NPAS3: variants seen among roughly 807,000 people sequenced by gnomAD.
NPAS3 encodes the protein neuronal PAS domain-containing protein 3.
Under a neutral mutation model 73.1 loss-of-function variants are expected in NPAS3, and 14 were observed. That is an observed-to-expected ratio of 0.19 (90% CI 0.13 to 0.30). NPAS3 has a LOEUF of 0.30. NPAS3 is among the 10% of genes least tolerant of loss of function. NPAS3 has a pLI of 1.00. For synonymous variants in NPAS3, 620 were observed against 541.5 expected, an observed-to-expected ratio of 1.14 and a Z score of -2.01; for missense variants, 1,096 against 1,250.0, an observed-to-expected ratio of 0.88 and a Z score of 1.86.
intron 5 of NPAS3, among the ~76,000 whole-genome samples, chr14:33,669,118 A>T (rs1595398267): frequency 7.3e-6 from 1 of 137,906 alleles, no homozygotes; most frequent in African/African-American, 2.5e-5. Context: ...GGTAATGAAG[A>T]AGCTTTGAAA....
intron 3 of NPAS3, among the ~76,000 whole-genome samples, chr14:33,343,988 T>G (rs1274556425): frequency 6.6e-6 from 1 of 152,210 alleles, no homozygotes; most frequent in Non-Finnish European, 1.5e-5. Context: ...GTGTGAAGGA[T>G]TCCCTGAAAG....
chr14:33,436,765 A>G (rs1393448319), intron 4 of NPAS3, among the ~76,000 whole-genome samples: 1 of 152,208 alleles, frequency 6.6e-6, no homozygotes. Flanking sequence ...TGGTTCGGAT[A>G]CCCTTGAGGC....
At chr14:33,563,682 C>T (rs1189917403) in intron 5 of NPAS3, among the ~76,000 whole-genome samples, 2 of 152,112 alleles carry the variant, frequency 1.3e-5, no homozygotes, top group Non-Finnish European at 2.9e-5. Flanking sequence ...ACCAAGAGGC[C>T]TTATCTTAAA....
intron 2 of NPAS3, among the ~76,000 whole-genome samples, chr14:33,083,359 G>T (rs2041925139): frequency 6.6e-6 from 1 of 152,106 alleles, no homozygotes; most frequent in South Asian, 2.1e-4. Flanking sequence ...ACCTTATTAT[G>T]AGTAGTAGCT....
At chr14:33,610,112 C>T (rs543349569) in intron 5 of NPAS3, among the ~76,000 whole-genome samples, 2 of 151,978 alleles carry the variant, frequency 1.3e-5, no homozygotes, top group Non-Finnish European at 2.9e-5. Flanking sequence ...AGTAGTTCCT[C>T]CCAAACCAGT....
At chr14:33,286,463 A>G (rs1011909681) in intron 3 of NPAS3, among the ~76,000 whole-genome samples, 1 of 152,202 alleles carries the variant, frequency 6.6e-6, no homozygotes, top group Non-Finnish European at 1.5e-5. Context: ...AGATAATGGC[A>G]TTGTGCTGTG....
intron 5 of NPAS3, chr14:33,612,401 A>G (rs139775749): frequency 6.6e-6 from 3 of 455,916 alleles, no homozygotes; most frequent in African/African-American, 2.0e-5. Flanking sequence ...TCTACCCTCC[A>G]CAGGCACAGA....
intron 5 of NPAS3, among the ~76,000 whole-genome samples, chr14:33,634,337 C>T (rs566986930): frequency 6.6e-6 from 1 of 152,290 alleles, no homozygotes; most frequent in South Asian, 2.1e-4. Context: ...GTGGGTAAAT[C>T]AGTAGCCTGC....
At chr14:33,479,655 T>C (rs1411468536) in intron 4 of NPAS3, among the ~76,000 whole-genome samples, 3 of 152,198 alleles carry the variant, frequency 2.0e-5, no homozygotes, top group Non-Finnish European at 4.4e-5. Flanking sequence ...ACCGACACTC[T>C]GTGGGCACTT....
chr14:33,395,549 T>C (rs115378972), intron 4 of NPAS3, among the ~76,000 whole-genome samples: 2,581 of 152,186 alleles, frequency 0.017, 71 homozygotes, highest in African/African-American at 0.058. Context: ...CACGTATACA[T>C]ACATACATAT....
chr14:33,519,223 G>A (rs966403900), intron 4 of NPAS3, among the ~76,000 whole-genome samples: 1 of 152,074 alleles, frequency 6.6e-6, no homozygotes, highest in African/African-American at 2.4e-5. Flanking sequence ...CCTTTTGTGC[G>A]AGTTTCCCTT....
At chr14:33,217,447 T>C (rs1311437698) in intron 3 of NPAS3, among the ~76,000 whole-genome samples, 1 of 152,074 alleles carries the variant, frequency 6.6e-6, no homozygotes, top group Non-Finnish European at 1.5e-5. Context: ...TCACACAAGA[T>C]GAAAGGATGA....
At chr14:33,762,091 A>G (rs2062310759) in intron 7 of NPAS3, among the ~76,000 whole-genome samples, 1 of 152,244 alleles carries the variant, frequency 6.6e-6, no homozygotes, top group South Asian at 2.1e-4. Context: ...ACTGCAGTAT[A>G]ACATACCAAA....
chr14:33,066,424 G>A (rs1241455768), intron 2 of NPAS3, among the ~76,000 whole-genome samples: 1 of 152,128 alleles, frequency 6.6e-6, no homozygotes, highest in Non-Finnish European at 1.5e-5. Context: ...TATGATGCTT[G>A]TAGGAATAAA....
intron 4 of NPAS3, among the ~76,000 whole-genome samples, chr14:33,550,408 G>T (rs1440782208): frequency 6.6e-6 from 1 of 152,220 alleles, no homozygotes; most frequent in Non-Finnish European, 1.5e-5. Flanking sequence ...GAGCGTCACT[G>T]ATGAAGATTT....
intron 9 of NPAS3, among the ~76,000 whole-genome samples, chr14:33,790,507 C>T (rs1435124239): frequency 6.6e-6 from 1 of 151,856 alleles, no homozygotes; most frequent in Non-Finnish European, 1.5e-5. Flanking sequence ...TCAGATCCTG[C>T]CTCTGGCGCA....
chr14:33,741,949 A>G (rs893262143), intron 7 of NPAS3, among the ~76,000 whole-genome samples: 2 of 152,180 alleles, frequency 1.3e-5, no homozygotes, highest in African/African-American at 4.8e-5. Flanking sequence ...ACACATATGT[A>G]TATGTATGTA....
At chr14:33,383,702 G>A (rs1268012582) in intron 4 of NPAS3, among the ~76,000 whole-genome samples, 2 of 152,124 alleles carry the variant, frequency 1.3e-5, no homozygotes, top group Non-Finnish European at 2.9e-5. Context: ...TAAAGGCTTT[G>A]CATGAATGCA....
intron 3 of NPAS3, among the ~76,000 whole-genome samples, chr14:33,323,077 T>TGCCTGGCTTACAGTAGC (rs2043530293): frequency 6.6e-6 from 1 of 152,196 alleles, no homozygotes; most frequent in Non-Finnish European, 1.5e-5. Context: ...CATTTAAGTT[T>TGCCTGGCTTACAGTAGC]GCCTGGCTTA....
Sources: allele counts gnomAD v4.1 joint callset (sites outside exome capture counted in the v4.1 genomes callset), GRCh38; gene constraint gnomAD v4.1.1; transcripts MANE v1.5; gene names NCBI Gene and HGNC (gene_info 2026-07-23, HGNC 2026-07-21).